MAGI2: variants seen among roughly 807,000 people sequenced by gnomAD.
MAGI2 encodes membrane-associated guanylate kinase, WW and PDZ domain-containing protein 2.
MAGI2 carries 35 observed loss-of-function variants against 133.3 expected under a neutral mutation model. That is an observed-to-expected ratio of 0.26 (90% CI 0.20 to 0.35). The LOEUF is 0.35. Ranked by LOEUF, MAGI2 falls within the 10% of genes least tolerant of loss-of-function variation. MAGI2 has a pLI of 1.00. For missense variants in MAGI2, 1,636 were observed against 1,863.4 expected (o/e 0.88, Z 2.25); for synonymous variants, 729 against 710.6 (o/e 1.03, Z -0.41).
Position 78,095,591 on chromosome 7 carries a change from G to A in MAGI2, c.3568-16506C>T, listed in dbSNP as rs558688189. ...AAGAAGCAATCATAAGTCTCCCATG[G>A]AGTAGAGGGCAAGGATGGTTCAAGG... On this transcript the variant is annotated intron_variant, in intron 20 of 21. Transcript: ENST00000354212. Among the ~76,000 whole-genome samples the A allele has an allele frequency of 5.6e-4, 85 of 152,314 alleles. 1 individual carries two copies. Among genetic ancestry groups the A allele is most frequent in the South Asian group, 1.2e-3 (6 of 4,826 alleles).
At chr7:79,438,850 T>C (rs562384348) in intron 1 of MAGI2, among the ~76,000 whole-genome samples, 1 of 151,996 alleles carries the variant, frequency 6.6e-6, no homozygotes, top group Non-Finnish European at 1.5e-5. Flanking sequence ...TCCCATGAAA[T>C]AAAACAAAAA....
chr7:78,983,523 T>C (rs570481277), intron 2 of MAGI2, among the ~76,000 whole-genome samples: 2 of 151,954 alleles, frequency 1.3e-5, no homozygotes, highest in South Asian at 4.1e-4. Context: ...AAAGGATAGG[T>C]TGGGAGTACA....
intron 1 of MAGI2, among the ~76,000 whole-genome samples, chr7:79,437,993 T>C (rs570906615): frequency 6.6e-6 from 1 of 152,262 alleles, no homozygotes; most frequent in Admixed American, 6.5e-5. Context: ...AAACAGAATA[T>C]ATGTGCAGGC....
chr7:78,847,590 C>T (rs1249644697), intron 2 of MAGI2, among the ~76,000 whole-genome samples: 2 of 151,902 alleles, frequency 1.3e-5, no homozygotes, highest in Non-Finnish European at 1.5e-5. Context: ...CGAGGTACAA[C>T]CATGAAATTT....
chr7:78,338,070 T>C (rs1789958902), intron 9 of MAGI2, among the ~76,000 whole-genome samples: 4 of 152,242 alleles, frequency 2.6e-5, no homozygotes. Context: ...AGAATGGTTT[T>C]AATTACAGGT....
chr7:78,134,503 T>C (rs1821896679), intron 17 of MAGI2: 1 of 154,976 alleles, frequency 6.5e-6, no homozygotes, highest in Non-Finnish European at 1.4e-5. Flanking sequence ...CAGGGGGGAG[T>C]CCTTGTACAG....
chr7:78,729,727 TAGGACTCC>T (rs1821184376), intron 2 of MAGI2, among the ~76,000 whole-genome samples: 1 of 152,204 alleles, frequency 6.6e-6, no homozygotes, highest in South Asian at 2.1e-4. Flanking sequence ...GTTTGAGCCA[TAGGACTCC>T]TTTTATTCTG....
intron 3 of MAGI2, among the ~76,000 whole-genome samples, chr7:78,559,069 T>C (rs1400911495): frequency 2.3e-5 from 3 of 129,930 alleles, no homozygotes; most frequent in Non-Finnish European, 4.6e-5. Flanking sequence ...CCTAAGTTAT[T>C]ACCCAGAATA....
intron 2 of MAGI2, among the ~76,000 whole-genome samples, chr7:78,928,886 C>T (rs1337793651): frequency 6.6e-6 from 1 of 151,984 alleles, no homozygotes; most frequent in African/African-American, 2.4e-5. Flanking sequence ...GCAATATTTT[C>T]CTCCTGTATT....
chr7:78,681,147 C>A (rs910653090), intron 2 of MAGI2, among the ~76,000 whole-genome samples: 1 of 152,084 alleles, frequency 6.6e-6, no homozygotes, highest in Admixed American at 6.6e-5. Flanking sequence ...ATTACAGCAA[C>A]CAGAAATACA....
chr7:78,941,728 TCACA>T (rs3068585), intron 2 of MAGI2, among the ~76,000 whole-genome samples: 4,653 of 123,310 alleles, frequency 0.038, 89 homozygotes, highest in East Asian at 0.059. Flanking sequence ...GCCTATTTCA[TCACA>T]CACACACACA....
intron 9 of MAGI2, among the ~76,000 whole-genome samples, chr7:78,315,523 C>T (rs1787325441): frequency 6.6e-6 from 1 of 152,042 alleles, no homozygotes; most frequent in South Asian, 2.1e-4. Flanking sequence ...GTCCACTGAG[C>T]CCAACTAAAT....
chr7:79,230,390 T>G (rs1237224418), intron 1 of MAGI2, among the ~76,000 whole-genome samples: 3 of 151,954 alleles, frequency 2.0e-5, no homozygotes, highest in Non-Finnish European at 4.4e-5. Flanking sequence ...ATGGTTGAAC[T>G]AGTTTACAGT....
At chr7:78,683,205 T>C (rs1429261725) in intron 2 of MAGI2, among the ~76,000 whole-genome samples, 1 of 152,166 alleles carries the variant, frequency 6.6e-6, no homozygotes, top group Non-Finnish European at 1.5e-5. Context: ...GAGCAGTGAC[T>C]CTTGATTGTC....
At chr7:79,054,812 A>G (rs1323680098) in intron 1 of MAGI2, among the ~76,000 whole-genome samples, 3 of 152,168 alleles carry the variant, frequency 2.0e-5, no homozygotes, top group East Asian at 1.9e-4. Context: ...TTTGGGACAG[A>G]CGGAGTCCCG....
At chr7:78,262,450 A>T (rs959152749) in intron 9 of MAGI2, among the ~76,000 whole-genome samples, 1 of 152,084 alleles carries the variant, frequency 6.6e-6, no homozygotes, top group Non-Finnish European at 1.5e-5. Flanking sequence ...CTGTCAACTC[A>T]TCTTCCATAC....
intron 2 of MAGI2, among the ~76,000 whole-genome samples, chr7:78,987,815 A>T (rs751426472): frequency 1.3e-5 from 2 of 151,878 alleles, no homozygotes; most frequent in Non-Finnish European, 1.5e-5. Context: ...TCTCTATATT[A>T]AATATTTTAC....
At chr7:78,653,654 G>T (rs1399736836) in intron 2 of MAGI2, among the ~76,000 whole-genome samples, 1 of 151,964 alleles carries the variant, frequency 6.6e-6, no homozygotes, top group Non-Finnish European at 1.5e-5. Context: ...GGCTAGGGGA[G>T]GGATAGCATT....
chr7:79,028,231 GTATGTATA>G (rs1562804848), intron 1 of MAGI2, among the ~76,000 whole-genome samples: 24 of 30,894 alleles, frequency 7.8e-4, no homozygotes, highest in African/African-American at 1.8e-3. Context: ...ATATATATAT[GTATGTATA>G]TATATATATA....
Sources: gnomAD v4.1 joint callset for allele counts (sites outside exome capture counted in the v4.1 genomes callset) on GRCh38, gnomAD v4.1.1 for gene constraint, MANE v1.5 for transcripts, NCBI Gene and HGNC (gene_info 2026-07-23, HGNC 2026-07-21) for gene names.